MOGAT1: variants seen among roughly 807,000 people sequenced by gnomAD.
MOGAT1 encodes 2-acylglycerol O-acyltransferase 1.
A neutral mutation model predicts 31.4 loss-of-function variants in MOGAT1; 32 were observed. The observed-to-expected ratio is 1.02, with a 90% CI of 0.77 to 1.37. The LOEUF (loss-of-function observed/expected upper bound fraction) is 1.37. Among genes scored for constraint, MOGAT1 ranks in the 40% most tolerant of loss-of-function variants. MOGAT1 has a pLI of 0.00. For missense variants in MOGAT1, 426 were observed against 402.0 expected (o/e 1.06, Z -0.51); for synonymous variants, 145 against 144.5 (o/e 1.00, Z -0.03).
chr2:222,705,479 C>T (rs771194860), intron 5 of MOGAT1, among the ~76,000 whole-genome samples: 3 of 152,208 alleles, frequency 2.0e-5, no homozygotes, highest in Non-Finnish European at 4.4e-5. Flanking sequence ...ATGAGCTATT[C>T]TCTCCATCTG....
chr2:222,688,400 T>C lies in MOGAT1; in HGVS notation c.151T>C (p.Tyr51His). 2 of 1,613,614 alleles carry C rather than the reference T, an allele frequency of 1.2e-6. No individual in the cohort carries two copies. The highest frequency in any genetic ancestry group is 1.7e-5 in the Admixed American group (1 of 59,962). ...MLIIHNYLFL[Y>H]IPYLMWLYFD... ...GATCATACACAACTATTTGTTCCTT[T>C]ACATCCCTTATTTGATGTGGCTTTA... The change falls in exon 2 of 6, where the codon TAC becomes CAC. Residue 51 changes from tyrosine to histidine, a missense_variant. Physicochemically the swap from Tyr to His is moderately conservative, Grantham distance 83. Coordinates refer to ENST00000446656, the MANE Select transcript of MOGAT1 (RefSeq NM_058165.3).
At chr2:222,706,476 A>AT (rs1693005501) in intron 5 of MOGAT1, among the ~76,000 whole-genome samples, 1 of 152,060 alleles carries the variant, frequency 6.6e-6, no homozygotes, top group Non-Finnish European at 1.5e-5. Flanking sequence ...CTGTATAAAA[A>AT]AAAAAAAAAA....
In MOGAT1 at chr2:222,695,258, A is replaced by G; in HGVS notation, c.823A>G (p.Met275Val). ...RGVFQYNFGLMTYRKAIHTVV... is the reference protein window; with the variant it reads ...RGVFQYNFGLVTYRKAIHTVV... Reference sequence around the variant, plus strand: ...AGTTTTTCAGTACAATTTTGGCCTAATGACCTATAGGAAAGCCATCCACAC... The same window carrying G: ...AGTTTTTCAGTACAATTTTGGCCTAGTGACCTATAGGAAAGCCATCCACAC... The change falls in exon 5 of 6, where the codon ATG becomes GTG. Residue 275 changes from methionine to valine, a missense_variant. Physicochemically the swap from Met to Val is conservative, Grantham distance 21. Coordinates refer to ENST00000446656, the MANE Select transcript of MOGAT1 (RefSeq NM_058165.3). 1.9e-6 allele frequency: 3 copies of G among 1,613,206 alleles called. No individual in the cohort carries two copies. The Middle Eastern group carries it at 4.9e-4, about 266-fold the overall frequency.
intron 1 of MOGAT1, chr2:222,677,947 C>A: frequency 3.7e-6 from 1 of 266,768 alleles, no homozygotes; most frequent in South Asian, 5.5e-5. Context: ...ATCCTTTACT[C>A]TGAGAATCTG....
chr2:222,699,860 G>A (rs527256978), intron 5 of MOGAT1, among the ~76,000 whole-genome samples: 28 of 152,182 alleles, frequency 1.8e-4, no homozygotes, highest in African/African-American at 5.3e-4. Flanking sequence ...CTGAGTATTC[G>A]AGAGCTGGTA....
intron 3 of MOGAT1, 21 bp downstream of exon 3, chr2:222,689,490 G>C (rs1277987614): frequency 1.1e-5 from 17 of 1,599,032 alleles, no homozygotes; most frequent in East Asian, 2.2e-5. Flanking sequence ...GCAGATCACT[G>C]TTTCCACAGT....
intron 1 of MOGAT1, among the ~76,000 whole-genome samples, chr2:222,679,825 G>A (rs1330811479): frequency 6.6e-6 from 1 of 152,236 alleles, no homozygotes; most frequent in East Asian, 1.9e-4. Context: ...AAGGAAGCAG[G>A]TAGATCTCCA....
At chr2:222,679,228 G>A (rs1299047758) in intron 1 of MOGAT1, among the ~76,000 whole-genome samples, 1 of 152,102 alleles carries the variant, frequency 6.6e-6, no homozygotes, top group Non-Finnish European at 1.5e-5. Context: ...AGACTCTCTA[G>A]TCTGTGCCAT....
intron 3 of MOGAT1, among the ~76,000 whole-genome samples, chr2:222,692,145 T>C (rs529079985): frequency 6.6e-6 from 1 of 152,294 alleles, no homozygotes; most frequent in Non-Finnish European, 1.5e-5. Flanking sequence ...TGGAACGTGG[T>C]TACAGGCAGG....
intron 5 of MOGAT1, among the ~76,000 whole-genome samples, chr2:222,707,141 G>A (rs1036129595): frequency 6.6e-6 from 1 of 151,564 alleles, no homozygotes; most frequent in African/African-American, 2.4e-5. Flanking sequence ...GCAGTGAGAC[G>A]AGATCACACC....
intron 2 of MOGAT1, 101 bp downstream of exon 2, chr2:222,688,623 C>A: frequency 2.4e-6 from 2 of 836,430 alleles, no homozygotes; most frequent in East Asian, 5.5e-5. Flanking sequence ...GAGGGGATGT[C>A]TTAGTCTGTT....
At chr2:222,681,067 C>G (rs1046510989) in intron 1 of MOGAT1, among the ~76,000 whole-genome samples, 12 of 152,132 alleles carry the variant, frequency 7.9e-5, no homozygotes, top group Non-Finnish European at 1.6e-4. Context: ...AAGCCACAGA[C>G]CTGGCCACCA....
intron 1 of MOGAT1, among the ~76,000 whole-genome samples, chr2:222,683,866 C>T (rs1487241641): frequency 6.6e-6 from 1 of 152,190 alleles, no homozygotes; most frequent in African/African-American, 2.4e-5. Context: ...ATCAACCCAG[C>T]TAAAATTCAG....
chr2:222,680,402 T>C (rs1692559128), intron 1 of MOGAT1, among the ~76,000 whole-genome samples: 1 of 151,634 alleles, frequency 6.6e-6, no homozygotes, highest in South Asian at 2.1e-4. Flanking sequence ...GGCTGTGCTA[T>C]AAAACAAGAG....
At chr2:222,689,690 A>G (rs1406716066) in intron 3 of MOGAT1, among the ~76,000 whole-genome samples, 1 of 152,198 alleles carries the variant, frequency 6.6e-6, no homozygotes, top group African/African-American at 2.4e-5. Context: ...CATCCCAAGT[A>G]TCCAGCATGG....
chr2:222,675,357 C>A (rs1692479999), intron 1 of MOGAT1, among the ~76,000 whole-genome samples: 1 of 151,964 alleles, frequency 6.6e-6, no homozygotes, highest in African/African-American at 2.4e-5. Flanking sequence ...GTCAGTGGGT[C>A]TAGGAAGGAA....
chr2:222,692,574 A>G (rs1026464683), intron 3 of MOGAT1, among the ~76,000 whole-genome samples: 3 of 151,718 alleles, frequency 2.0e-5, no homozygotes, highest in African/African-American at 7.3e-5. Flanking sequence ...GTGTAGTTTG[A>G]GGTGTCTTAG....
chr2:222,687,147 CAAGAA>C (rs1692686599), intron 1 of MOGAT1, among the ~76,000 whole-genome samples: 1 of 47,578 alleles, frequency 2.1e-5, no homozygotes, highest in Non-Finnish European at 3.8e-5. Context: ...AAAGAAAGAA[CAAGAA>C]AGAAAGAAAA....
intron 5 of MOGAT1, among the ~76,000 whole-genome samples, chr2:222,707,087 G>A (rs1218875076): frequency 6.6e-6 from 1 of 152,172 alleles, no homozygotes; most frequent in African/African-American, 2.4e-5. Context: ...AGCTACTGGG[G>A]AGGCTGAGGC....
Sources: allele counts gnomAD v4.1 joint callset (sites outside exome capture counted in the v4.1 genomes callset), GRCh38; gene constraint gnomAD v4.1.1; transcripts MANE v1.5; gene names NCBI Gene and HGNC (gene_info 2026-07-23, HGNC 2026-07-21).